Variants in DNAH8 observed in about 807,000 individuals in gnomAD.
DNAH8 encodes the protein dynein axonemal heavy chain 8.
DNAH8 carries 382 observed loss-of-function variants against 562.1 expected under a neutral mutation model. That is an observed-to-expected ratio of 0.68 (90% CI 0.63 to 0.74). The LOEUF is 0.74. DNAH8 is among the 30% of genes least tolerant of loss of function. The probability of loss-of-function intolerance (pLI) is 0.00; values close to 1 mark genes in which losing one functional copy is unlikely to be tolerated. For missense variants in DNAH8, 5,203 were observed against 5,620.4 expected, an observed-to-expected ratio of 0.93 and a Z score of 2.37; for synonymous variants, 1,881 against 1,919.4, an observed-to-expected ratio of 0.98 and a Z score of 0.52.
chr6:38,866,949 A>G (rs1290500346), intron 47 of DNAH8, 73 bp downstream of exon 47: 1 of 812,528 alleles, frequency 1.2e-6, no homozygotes, highest in Non-Finnish European at 2.0e-6. Context: ...CCCTTGATAA[A>G]TACTCATCAG....
At chr6:38,753,173 C>G (rs1328215038) in intron 9 of DNAH8, among the ~76,000 whole-genome samples, 1 of 151,868 alleles carries the variant, frequency 6.6e-6, no homozygotes, top group Non-Finnish European at 1.5e-5. Context: ...TGTTGTGAAC[C>G]TTTGTAAAAT....
At chr6:38,914,043 A>G (rs140532445) in intron 67 of DNAH8, 91 bp downstream of exon 67, 2 of 957,062 alleles carry the variant, frequency 2.1e-6, no homozygotes, top group African/African-American at 3.3e-5. Context: ...CAAGCAGGGT[A>G]TAAACCCATG....
chr6:38,763,413 AAAG>A (rs1766706599), intron 11 of DNAH8: 3 of 311,322 alleles, frequency 9.6e-6, no homozygotes, highest in Non-Finnish European at 1.8e-5. Flanking sequence ...GAGGGATTGA[AAAG>A]AAGAACAGAG....
chr6:38,758,771 C>T (rs751025550), intron 10 of DNAH8, among the ~76,000 whole-genome samples: 56 of 152,146 alleles, frequency 3.7e-4, no homozygotes, highest in Non-Finnish European at 6.0e-4. Context: ...GCCTTATCTG[C>T]ATCTGTTGAG....
At chr6:38,801,282 C>G (rs536444719) in intron 21 of DNAH8, among the ~76,000 whole-genome samples, 1 of 152,248 alleles carries the variant, frequency 6.6e-6, no homozygotes, top group African/African-American at 2.4e-5. Flanking sequence ...ATTCAGTTGT[C>G]CCAGTACCAG....
chr6:38,790,747 A>C (rs1630487), intron 20 of DNAH8, among the ~76,000 whole-genome samples: 95,342 of 151,480 alleles, frequency 0.63, 30,859 homozygotes, highest in East Asian at 0.85. Flanking sequence ...CGTTTGAACC[A>C]GGGAAGCGGA....
chr6:39,003,591 T>A (rs1429632245), intron 88 of DNAH8, among the ~76,000 whole-genome samples: 1 of 152,176 alleles, frequency 6.6e-6, no homozygotes, highest in East Asian at 1.9e-4. Context: ...ATAAGCACAA[T>A]ATTAACAACA....
intron 88 of DNAH8, among the ~76,000 whole-genome samples, chr6:38,993,121 C>T (rs533386971): frequency 2.8e-4 from 42 of 152,190 alleles, no homozygotes; most frequent in African/African-American, 9.6e-4. Context: ...CAGTTGTATA[C>T]CTCAGGGTTG....
intron 85 of DNAH8, among the ~76,000 whole-genome samples, chr6:38,977,114 G>A (rs1326204834): frequency 6.6e-6 from 1 of 152,192 alleles, no homozygotes; most frequent in Non-Finnish European, 1.5e-5. Context: ...TCCTTTTCTG[G>A]GAGAAGGGGA....
At chr6:38,923,845 C>T (rs1175793208) in intron 72 of DNAH8, 146 bp from the exon 73 acceptor site, 2 of 905,634 alleles carry the variant, frequency 2.2e-6, no homozygotes, top group Admixed American at 5.4e-5. Context: ...CTCCACTTTG[C>T]ACGGTCTTTT....
rs1311616743 is a variant in DNAH8 at position 38,742,681 on chromosome 6, G to A, written c.1293+794G>A. Among the ~76,000 whole-genome samples the A allele has an allele frequency of 2.6e-5, 4 of 152,028 alleles. No homozygotes were observed. In the East Asian group the frequency reaches 7.7e-4, roughly 29 times the overall value. On this transcript the variant is annotated intron_variant, in intron 8 of 92. Coordinates refer to ENST00000327475, the MANE Select transcript of DNAH8 (RefSeq NM_001206927.2). ...AATACTTTTTTGGTAATAGATTTAAGCAGTACGAATAAAACAAGTCTCTCT... is the reference window on the plus strand; with the variant it reads ...AATACTTTTTTGGTAATAGATTTAAACAGTACGAATAAAACAAGTCTCTCT...
chr6:38,849,083 C>A (rs1470802497), intron 37 of DNAH8, among the ~76,000 whole-genome samples: 2 of 152,062 alleles, frequency 1.3e-5, no homozygotes. Flanking sequence ...TACTATCTGG[C>A]CCTTCACAGA....
intron 67 of DNAH8, among the ~76,000 whole-genome samples, 172 bp downstream of exon 67, chr6:38,914,124 C>G (rs1781114125): frequency 6.6e-6 from 1 of 152,108 alleles, no homozygotes; most frequent in African/African-American, 2.4e-5. Flanking sequence ...CAGCGTATAC[C>G]TGAACTATTA....
chr6:38,783,216 T>C (rs1256857163), intron 17 of DNAH8, 77 bp downstream of exon 17: 1 of 1,311,874 alleles, frequency 7.6e-7, no homozygotes, highest in East Asian at 2.4e-5. Flanking sequence ...TGGAGAACTT[T>C]TTCCATCCCT....
chr6:38,797,837 G>C (rs1259522456), intron 21 of DNAH8, among the ~76,000 whole-genome samples: 4 of 152,174 alleles, frequency 2.6e-5, no homozygotes, highest in Admixed American at 6.5e-5. Flanking sequence ...CGCTGTGGAA[G>C]CTTTGTACTG....
intron 33 of DNAH8, among the ~76,000 whole-genome samples, chr6:38,840,046 T>C (rs1774647885): frequency 6.6e-6 from 1 of 152,248 alleles, no homozygotes; most frequent in South Asian, 2.1e-4. Context: ...AGTTTGAAGA[T>C]GTATATATAC....
intron 92 of DNAH8, among the ~76,000 whole-genome samples, chr6:39,029,706 GC>G (rs1279725399): frequency 6.6e-6 from 1 of 152,136 alleles, no homozygotes; most frequent in African/African-American, 2.4e-5. Flanking sequence ...AGGTTGGTTG[GC>G]CGGGGGCAGG....
intron 53 of DNAH8, among the ~76,000 whole-genome samples, chr6:38,882,375 G>A (rs1048988834): frequency 1.3e-5 from 2 of 152,176 alleles, no homozygotes; most frequent in African/African-American, 2.4e-5. Context: ...GGAATACTAT[G>A]CAGCCATAAA....
rs1260619082 is a variant in DNAH8, at chr6:38,779,991, C to T, written c.2065C>T (p.Leu689=). ...QRFQKLNIPC[L]GLEINHTIER... is the part of the protein sequence containing the mutation. ...GTTTCAGAAGCTGAACATTCCCTGT[C>T]TGGGATTAGAAATAAACCACACAAT... is the stretch of plus-strand genomic sequence containing the variant. The change falls in exon 15 of 93, where the codon CTG becomes TTG. Residue 689 remains leucine (L), a synonymous_variant. Transcript: ENST00000327475. 5 of 1,613,864 alleles carry T rather than the reference C, an allele frequency of 3.1e-6. No homozygotes were observed. The highest frequency in any genetic ancestry group is 4.2e-6 in the Non-Finnish European group (5 of 1,179,972).
Sources: allele counts gnomAD v4.1 joint callset (sites outside exome capture counted in the v4.1 genomes callset), GRCh38; gene constraint gnomAD v4.1.1; transcripts MANE v1.5; gene names NCBI Gene and HGNC (gene_info 2026-07-23, HGNC 2026-07-21).